Variants in GPC5 observed in about 807,000 individuals in gnomAD.
GPC5 encodes the protein glypican 5.
GPC5 carries 47 observed loss-of-function variants against 53.9 expected under a neutral mutation model. That is an observed-to-expected ratio of 0.87 (90% CI 0.69 to 1.11). The LOEUF is 1.11. Ranked by LOEUF, GPC5 falls within the 50% of genes most tolerant of loss-of-function variation. GPC5 has a pLI of 0.00. For missense variants in GPC5, 748 were observed against 713.1 expected, an observed-to-expected ratio of 1.05 and a Z score of -0.56; for synonymous variants, 286 against 263.3, an observed-to-expected ratio of 1.09 and a Z score of -0.84.
intron 6 of GPC5, among the ~76,000 whole-genome samples, chr13:92,007,285 T>A (rs2040615815): frequency 6.6e-6 from 1 of 152,218 alleles, no homozygotes; most frequent in African/African-American, 2.4e-5. Flanking sequence ...CTGTCATCAT[T>A]TGCCTCTACT....
At chr13:92,716,099 G>A (rs534359581) in intron 7 of GPC5, among the ~76,000 whole-genome samples, 1 of 152,104 alleles carries the variant, frequency 6.6e-6, no homozygotes, top group African/African-American at 2.4e-5. Context: ...TCACCACTGA[G>A]ATCAGTGAAC....
Position 91,467,850 on chromosome 13 carries a change from A to C in GPC5, c.325+18928A>C, listed in dbSNP as rs1882345857. 2.0e-5 allele frequency among the ~76,000 whole-genome samples: 3 copies of C among 152,012 alleles called. No individual in the cohort carries two copies. In the South Asian group the frequency reaches 6.2e-4, roughly 31 times the overall value. ...CTGTATTGCATATGTTTTATTATGAAGTGTTATTTTCATTTTGTTTTAGTT... is the reference window on the plus strand; with the variant it reads ...CTGTATTGCATATGTTTTATTATGACGTGTTATTTTCATTTTGTTTTAGTT... On this transcript the variant is annotated intron_variant, in intron 2 of 7. Coordinates refer to ENST00000377067, the MANE Select transcript of GPC5 (RefSeq NM_004466.6).
intron 7 of GPC5, among the ~76,000 whole-genome samples, chr13:92,400,687 C>T (rs994034691): frequency 1.3e-5 from 2 of 152,192 alleles, no homozygotes; most frequent in Non-Finnish European, 1.5e-5. Context: ...ATATTTCCTA[C>T]AGCAGTTATC....
At chr13:92,704,043 G>A (rs1293742482) in intron 7 of GPC5, among the ~76,000 whole-genome samples, 1 of 152,040 alleles carries the variant, frequency 6.6e-6, no homozygotes, top group African/African-American at 2.4e-5. Flanking sequence ...AATAAAATAT[G>A]TTAACTTGGA....
At chr13:91,630,476 AT>A (rs2034128485) in intron 2 of GPC5, among the ~76,000 whole-genome samples, 1 of 152,186 alleles carries the variant, frequency 6.6e-6, no homozygotes, top group South Asian at 2.1e-4. Context: ...TATAGAAAAT[AT>A]TATCTTGTCA....
chr13:92,552,373 G>C (rs1041916718), intron 7 of GPC5, among the ~76,000 whole-genome samples: 1 of 151,722 alleles, frequency 6.6e-6, no homozygotes, highest in Non-Finnish European at 1.5e-5. Context: ...AGATATTTGT[G>C]GTATCTGCAG....
At chr13:92,122,829 T>C (rs1284940419) in intron 6 of GPC5, among the ~76,000 whole-genome samples, 3 of 151,482 alleles carry the variant, frequency 2.0e-5, no homozygotes, top group Non-Finnish European at 4.4e-5. Context: ...AAAACCTTTT[T>C]TATCTTTCTC....
In GPC5 at chr13:92,479,580, G is replaced by T. The variant is rs372795452; in HGVS notation, c.1561+334591G>T. Among the ~76,000 whole-genome samples, 4 of 152,168 alleles carry T rather than the reference G, an allele frequency of 2.6e-5. 1 individual carries two copies. Among genetic ancestry groups the T allele is most frequent in the Admixed American group, 2.0e-4 (3 of 15,270 alleles). ...AGCAGAGAACTGGAGTACAGCTGCA[G>T]ACATAGTTCCTCCTCCTCCCTGTCC... On this transcript the variant is annotated intron_variant, in intron 7 of 7. Transcript: ENST00000377067.
intron 7 of GPC5, among the ~76,000 whole-genome samples, chr13:92,536,124 T>C (rs1056144406): frequency 6.6e-6 from 1 of 152,170 alleles, no homozygotes; most frequent in Admixed American, 6.6e-5. Context: ...TTCAAGGTTA[T>C]TTAATGTGCA....
intron 1 of GPC5, among the ~76,000 whole-genome samples, chr13:91,441,197 T>C (rs1346898301): frequency 1.3e-5 from 2 of 152,206 alleles, no homozygotes; most frequent in African/African-American, 2.4e-5. Context: ...CCAGAGTTAA[T>C]GGTTTCTATC....
At chr13:92,029,391 C>T (rs1435380991) in intron 6 of GPC5, among the ~76,000 whole-genome samples, 1 of 152,204 alleles carries the variant, frequency 6.6e-6, no homozygotes. Context: ...TGACATTCAA[C>T]TGCTGTACGT....
chr13:92,169,702 GT>G (rs1303556498), intron 7 of GPC5, among the ~76,000 whole-genome samples: 1 of 151,944 alleles, frequency 6.6e-6, no homozygotes, highest in Non-Finnish European at 1.5e-5. Flanking sequence ...TTTCCAGAAG[GT>G]AGTTATAAAA....
chr13:92,421,394 G>A (rs983067229), intron 7 of GPC5, among the ~76,000 whole-genome samples: 1 of 152,048 alleles, frequency 6.6e-6, no homozygotes, highest in African/African-American at 2.4e-5. Flanking sequence ...CTGAGACTGG[G>A]TAATTTATAA....
chr13:92,799,194 T>A (rs1251443066), intron 7 of GPC5, among the ~76,000 whole-genome samples: 3 of 151,804 alleles, frequency 2.0e-5, no homozygotes. Context: ...GTGGCTGGCC[T>A]TATGGTTAAT....
chr13:91,687,957 C>T (rs1374927096), intron 2 of GPC5, among the ~76,000 whole-genome samples: 2 of 152,030 alleles, frequency 1.3e-5, no homozygotes, highest in Non-Finnish European at 2.9e-5. Context: ...AGCACCTTAC[C>T]TATCTTGGAT....
At chr13:92,026,394 A>G (rs1259891853) in intron 6 of GPC5, among the ~76,000 whole-genome samples, 1 of 151,768 alleles carries the variant, frequency 6.6e-6, no homozygotes, top group African/African-American at 2.4e-5. Flanking sequence ...TACTTTTACT[A>G]AGGTAAACAT....
intron 6 of GPC5, among the ~76,000 whole-genome samples, chr13:91,980,920 A>G (rs772463093): frequency 2.0e-5 from 3 of 152,220 alleles, no homozygotes; most frequent in Non-Finnish European, 4.4e-5. Context: ...ATTAAGGTGT[A>G]TAGTTCTAGT....
chr13:92,845,760 A>C (rs2138838592), intron 7 of GPC5, among the ~76,000 whole-genome samples: 1 of 152,338 alleles, frequency 6.6e-6, no homozygotes, highest in Non-Finnish European at 1.5e-5. Flanking sequence ...ACAGGATGAC[A>C]AAATCATCCA....
At chr13:92,309,689 A>G (rs2139208193) in intron 7 of GPC5, among the ~76,000 whole-genome samples, 1 of 152,274 alleles carries the variant, frequency 6.6e-6, no homozygotes, top group South Asian at 2.1e-4. Context: ...TGATTACCAC[A>G]ATCAAGCTAA....
Sources: allele counts gnomAD v4.1 joint callset (sites outside exome capture counted in the v4.1 genomes callset), GRCh38; gene constraint gnomAD v4.1.1; transcripts MANE v1.5; gene names NCBI Gene and HGNC (gene_info 2026-07-23, HGNC 2026-07-21).